KIAA0930: variants seen among roughly 807,000 people sequenced by gnomAD.
The protein encoded by KIAA0930 is uncharacterized protein KIAA0930.
KIAA0930 carries 24 observed loss-of-function variants against 43.9 expected under a neutral mutation model. The observed-to-expected ratio is 0.55, with a 90% CI of 0.40 to 0.77. KIAA0930 has a LOEUF of 0.77. Among genes scored for constraint, KIAA0930 ranks in the 30% least tolerant of loss-of-function variants. KIAA0930 has a pLI of 0.00. For missense variants in KIAA0930, 461 were observed against 574.2 expected, an observed-to-expected ratio of 0.80 and a Z score of 2.02; for synonymous variants, 259 against 216.4, an observed-to-expected ratio of 1.20 and a Z score of -1.73.
intron 1 of KIAA0930, among the ~76,000 whole-genome samples, chr22:45,222,792 G>C (rs117620579): frequency 6.6e-6 from 1 of 151,980 alleles, no homozygotes; most frequent in Non-Finnish European, 1.5e-5. Flanking sequence ...AAAATGGCAC[G>C]GAAAGCAGAA....
intron 2 of KIAA0930, among the ~76,000 whole-genome samples, chr22:45,207,198 A>AG (rs2083646018): frequency 6.8e-6 from 1 of 147,824 alleles, no homozygotes; most frequent in Non-Finnish European, 1.5e-5. Context: ...TTTAATAGAG[A>AG]GGGGGTTTCA....
chr22:45,226,121 T>G, intron 1 of KIAA0930: 1 of 404,472 alleles, frequency 2.5e-6, no homozygotes. Flanking sequence ...CTCGGTGCGT[T>G]CAGAGAGCAC....
intron 1 of KIAA0930, among the ~76,000 whole-genome samples, chr22:45,224,125 C>T (rs1372360395): frequency 6.6e-6 from 1 of 152,174 alleles, no homozygotes; most frequent in Admixed American, 6.5e-5. Context: ...TCTAACAATG[C>T]AGTTACTTGG....
At chr22:45,208,398 GCCA>G (rs2083659143) in intron 2 of KIAA0930, among the ~76,000 whole-genome samples, 90 of 111,464 alleles carry the variant, frequency 8.1e-4, no homozygotes, top group Non-Finnish European at 1.0e-3. Flanking sequence ...GGTAGAACCC[GCCA>G]ACTCCACACA....
chr22:45,230,801 C>T (rs1052171878), intron 1 of KIAA0930, among the ~76,000 whole-genome samples: 1 of 151,684 alleles, frequency 6.6e-6, no homozygotes, highest in African/African-American at 2.4e-5. Flanking sequence ...AGGCTGGTCT[C>T]GAGCTCCTGA....
chr22:45,202,842 G>T (rs903105686), intron 7 of KIAA0930, 148 bp downstream of exon 7: 2 of 639,064 alleles, frequency 3.1e-6, no homozygotes, highest in Non-Finnish European at 5.2e-6. Flanking sequence ...TGGGTGGTCC[G>T]GGCCTCCGCA....
chr22:45,238,802 T>C (rs944606094), intron 1 of KIAA0930, among the ~76,000 whole-genome samples: 1 of 152,114 alleles, frequency 6.6e-6, no homozygotes, highest in African/African-American at 2.4e-5. Context: ...GGGCAGGCTC[T>C]GAGGTCAGGC....
At chr22:45,212,359 G>A (rs2083702681) in intron 1 of KIAA0930, 3 of 1,601,374 alleles carry the variant, frequency 1.9e-6, no homozygotes, top group African/African-American at 1.3e-5. Context: ...CAGCCCCACA[G>A]CTGAGCCTGA....
chr22:45,240,562 C>T, intron 1 of KIAA0930, 78 bp downstream of exon 1: 1 of 1,045,290 alleles, frequency 9.6e-7, no homozygotes, highest in African/African-American at 1.6e-5. Context: ...GCGGGGCGCA[C>T]AGAAACACGG....
intron 4 of KIAA0930, 67 bp downstream of exon 4, chr22:45,205,563 T>C: frequency 6.8e-7 from 1 of 1,473,846 alleles, no homozygotes; most frequent in East Asian, 2.3e-5. Flanking sequence ...GGAGGACTTG[T>C]CTCTCTCTGC....
chr22:45,213,172 G>A (rs2083709325), intron 1 of KIAA0930: 1 of 584,086 alleles, frequency 1.7e-6, no homozygotes, highest in South Asian at 1.8e-5. Flanking sequence ...CACTAGCTGA[G>A]TCAAATGCAG....
At chr22:45,238,391 T>C (rs1601830238) in intron 1 of KIAA0930, among the ~76,000 whole-genome samples, 1 of 152,078 alleles carries the variant, frequency 6.6e-6, no homozygotes, top group Admixed American at 6.5e-5. Flanking sequence ...GACTGGGTAA[T>C]GCCTTTGAAG....
chr22:45,197,161 A>G lies in KIAA0930; in HGVS notation c.*15T>C. 6.5e-7 allele frequency: 1 copy of G among 1,544,354 alleles called. No individual in the cohort carries two copies. Among genetic ancestry groups the G allele is most frequent in the Non-Finnish European group, 8.7e-7 (1 of 1,143,244 alleles). ...GCTGGGCCCGGCCGGGGCTCTGCGC[A>G]GGCTCCGCACGCGGCTAGGTCATCA... On this transcript the variant is annotated 3_prime_UTR_variant, in exon 10 of 10. Coordinates refer to ENST00000336156, the MANE Select transcript of KIAA0930 (RefSeq NM_001009880.2).
intron 2 of KIAA0930, chr22:45,211,326 A>G (rs2083691264): frequency 2.5e-6 from 1 of 398,536 alleles, no homozygotes; most frequent in African/African-American, 2.1e-5. Context: ...TGAAAAACAG[A>G]GAAGGAAGCA....
chr22:45,213,786 G>A (rs1189436805), intron 1 of KIAA0930, among the ~76,000 whole-genome samples: 1 of 152,168 alleles, frequency 6.6e-6, no homozygotes, highest in African/African-American at 2.4e-5. Flanking sequence ...GGGGTGGGTG[G>A]ATCACCTGAG....
At chr22:45,198,505 G>A (rs1002499247) in intron 8 of KIAA0930, among the ~76,000 whole-genome samples, 4 of 152,246 alleles carry the variant, frequency 2.6e-5, no homozygotes, top group Non-Finnish European at 4.4e-5. Context: ...CCCTGACCCA[G>A]GCCAGGGCCT....
At chr22:45,201,268 A>G (rs1218176581) in intron 7 of KIAA0930, among the ~76,000 whole-genome samples, 1 of 152,234 alleles carries the variant, frequency 6.6e-6, no homozygotes, top group African/African-American at 2.4e-5. Flanking sequence ...GACAGGTAAT[A>G]GCAGGCGCAC....
intron 1 of KIAA0930, among the ~76,000 whole-genome samples, chr22:45,227,214 G>T (rs1315752148): frequency 6.6e-6 from 1 of 152,212 alleles, no homozygotes; most frequent in Non-Finnish European, 1.5e-5. Flanking sequence ...AGGATGCAAA[G>T]CACCTTCTGG....
At position 45,197,849 on chromosome 22, in the gene KIAA0930, T is replaced by C; in HGVS notation, c.1115A>G (p.Asn372Ser). 6.2e-7 allele frequency: 1 copy of C among 1,614,082 alleles called. No homozygotes were observed. Residue 372 changes from asparagine to serine, a missense_variant, in exon 9 of 10, where the codon AAC becomes AGC. Coordinates refer to ENST00000336156, the MANE Select transcript of KIAA0930 (RefSeq NM_001009880.2). The stretch of plus-strand genomic sequence containing the variant: ...GGTTAAGTGTGCATAGAGAAGGAAG[T>C]TTCCATCTGCTCTGTTCAGCTTCAG... ...SWLKLNRADG[N>S]FLLYAHLTYV...
Sources: allele counts gnomAD v4.1 joint callset (sites outside exome capture counted in the v4.1 genomes callset), GRCh38; gene constraint gnomAD v4.1.1; transcripts MANE v1.5; gene names NCBI Gene and HGNC (gene_info 2026-07-23, HGNC 2026-07-21).